The following SOX5 variants were observed in gnomAD, a reference collection of about 807,000 sequenced individuals.
The protein encoded by SOX5 is SRY-box transcription factor 5, also known as transcription factor SOX-5.
SOX5 carries 9 observed loss-of-function variants against 92.0 expected under a neutral mutation model. The observed-to-expected ratio is 0.10, with a 90% CI of 0.06 to 0.17. The LOEUF (loss-of-function observed/expected upper bound fraction) is 0.17. SOX5 is among the 10% of genes least tolerant of loss of function. The pLI is 1.00. For missense variants in SOX5, 642 were observed against 944.5 expected (o/e 0.68, Z 4.20); for synonymous variants, 344 against 336.3 (o/e 1.02, Z -0.25).
At chr12:24,412,792 T>TG (rs1203347044) in intron 1 of SOX5, among the ~76,000 whole-genome samples, 1 of 150,902 alleles carries the variant, frequency 6.6e-6, no homozygotes, top group African/African-American at 2.4e-5. Context: ...TTTTTTTTTT[T>TG]TTTTTGAGAG....
chr12:23,678,044 C>T (rs1266113103), intron 6 of SOX5, among the ~76,000 whole-genome samples: 1 of 152,042 alleles, frequency 6.6e-6, no homozygotes, highest in Non-Finnish European at 1.5e-5. Context: ...GACACACTAG[C>T]AGTTTGCCAC....
intron 4 of SOX5, among the ~76,000 whole-genome samples, chr12:24,144,346 G>A (rs1950867444): frequency 6.6e-6 from 1 of 151,988 alleles, no homozygotes; most frequent in Admixed American, 6.6e-5. Flanking sequence ...ATGAAAATAG[G>A]GATCTGCAAA....
At chr12:23,889,207 A>G (rs2097103372) in intron 2 of SOX5, among the ~76,000 whole-genome samples, 1 of 152,240 alleles carries the variant, frequency 6.6e-6, no homozygotes, top group Non-Finnish European at 1.5e-5. Flanking sequence ...TGGTTTAACA[A>G]CAATATGCAT....
At chr12:23,558,765 G>A (rs952899358) in intron 11 of SOX5, among the ~76,000 whole-genome samples, 17 of 152,102 alleles carry the variant, frequency 1.1e-4, no homozygotes, top group Non-Finnish European at 1.9e-4. Context: ...ACCACACCTG[G>A]CTAATTTTGT....
At chr12:24,093,012 TAAAAAATCATGAGCTAA>T (rs1188538382) in intron 4 of SOX5, among the ~76,000 whole-genome samples, 20 of 152,074 alleles carry the variant, frequency 1.3e-4, no homozygotes, top group African/African-American at 4.8e-4. Context: ...CATCTCATCT[TAAAAAATCATGAGCTAA>T]ATAAAAAAAT....
intron 9 of SOX5, among the ~76,000 whole-genome samples, chr12:23,591,139 C>T (rs1951484896): frequency 6.6e-6 from 1 of 151,754 alleles, no homozygotes; most frequent in South Asian, 2.1e-4. Context: ...TTCAAAAGTT[C>T]ACCTTAACAA....
At chr12:24,253,549 T>C (rs1940583833) in intron 3 of SOX5, among the ~76,000 whole-genome samples, 1 of 152,184 alleles carries the variant, frequency 6.6e-6, no homozygotes, top group Non-Finnish European at 1.5e-5. Context: ...AAGAGCATAG[T>C]TACTATTTGT....
chr12:24,096,354 G>C (rs1459321828), intron 4 of SOX5, among the ~76,000 whole-genome samples: 1 of 152,094 alleles, frequency 6.6e-6, no homozygotes, highest in African/African-American at 2.4e-5. Context: ...ACAATTCTAT[G>C]ACATTAAGTA....
intron 3 of SOX5, among the ~76,000 whole-genome samples, chr12:23,845,189 T>C (rs2096561268): frequency 1.3e-5 from 2 of 152,216 alleles, no homozygotes; most frequent in Admixed American, 1.3e-4. Context: ...CACATCATTG[T>C]TTATTTGTTT....
chr12:23,963,278 G>GGA (rs1313597526), intron 4 of SOX5, among the ~76,000 whole-genome samples: 2 of 152,132 alleles, frequency 1.3e-5, no homozygotes, highest in African/African-American at 2.4e-5. Context: ...GGAGAATATA[G>GGA]GAAATGCTGC....
chr12:23,688,654 G>A (rs1327453310), intron 6 of SOX5, among the ~76,000 whole-genome samples: 1 of 151,994 alleles, frequency 6.6e-6, no homozygotes, highest in Non-Finnish European at 1.5e-5. Context: ...CCTTTGCTAA[G>A]GACACACTGC....
chr12:24,389,202 C>T (rs967837710), intron 1 of SOX5, among the ~76,000 whole-genome samples: 1 of 151,526 alleles, frequency 6.6e-6, no homozygotes, highest in Admixed American at 6.6e-5. Flanking sequence ...TAAGAATATG[C>T]GGTGTTTGGT....
intron 1 of SOX5, among the ~76,000 whole-genome samples, chr12:23,947,352 G>A (rs534935115): frequency 6.6e-6 from 1 of 151,792 alleles, no homozygotes; most frequent in African/African-American, 2.4e-5. Flanking sequence ...AGTTGAAAAG[G>A]CAAAAAATCT....
chr12:24,494,184 T>A (rs556636903), intron 1 of SOX5, among the ~76,000 whole-genome samples: 90 of 152,250 alleles, frequency 5.9e-4, no homozygotes, highest in African/African-American at 2.0e-3. Context: ...TGGAAGTAAC[T>A]CCATACACTT....
At chr12:23,707,085 G>A (rs953937984) in intron 6 of SOX5, among the ~76,000 whole-genome samples, 1 of 152,114 alleles carries the variant, frequency 6.6e-6, no homozygotes, top group Admixed American at 6.6e-5. Context: ...GTGCAGTTAT[G>A]AAATAAAGTA....
chr12:23,738,830 G>C (rs929247293), intron 5 of SOX5, among the ~76,000 whole-genome samples: 3 of 152,152 alleles, frequency 2.0e-5, no homozygotes, highest in Non-Finnish European at 4.4e-5. Context: ...GACAAGAAAA[G>C]AGTGGTGTTG....
chr12:24,463,692 A>G (rs918348820), intron 1 of SOX5, among the ~76,000 whole-genome samples: 1 of 152,210 alleles, frequency 6.6e-6, no homozygotes, highest in African/African-American at 2.4e-5. Context: ...TTATAGGGAG[A>G]GCACTGGTGC....
intron 8 of SOX5, among the ~76,000 whole-genome samples, chr12:23,620,115 C>A (rs1318904085): frequency 1.3e-5 from 2 of 151,940 alleles, no homozygotes; most frequent in African/African-American, 2.4e-5. Flanking sequence ...ACTATGAATA[C>A]CTGGAGGTCA....
At chr12:24,380,426 T>C (rs532093807) in intron 1 of SOX5, among the ~76,000 whole-genome samples, 1 of 152,396 alleles carries the variant, frequency 6.6e-6, no homozygotes, top group Admixed American at 6.5e-5. Context: ...TGAGAATGAC[T>C]TGAATTTTAC....
Sources: gnomAD v4.1 joint callset for allele counts (sites outside exome capture counted in the v4.1 genomes callset) on GRCh38, gnomAD v4.1.1 for gene constraint, MANE v1.5 for transcripts, NCBI Gene and HGNC (gene_info 2026-07-23, HGNC 2026-07-21) for gene names.